The following FERRY3 variants were observed in gnomAD, a reference collection of about 807,000 sequenced individuals.
The protein encoded by FERRY3 is protein C12orf4.
chr12:4,524,019 A>G, the FERRY3 span, among the ~76,000 whole-genome samples: 1 of 152,068 alleles, frequency 6.6e-6, no homozygotes, highest in Non-Finnish European at 1.5e-5. Context: ...CTCTAGCAGC[A>G]AAGTAAGAGA....
chr12:4,518,400 T>C, the FERRY3 span: 1 of 687,288 alleles, frequency 1.5e-6, no homozygotes, highest in South Asian at 2.0e-5. Context: ...CCCATTTTAA[T>C]GACTTTTTCA....
the FERRY3 span, among the ~76,000 whole-genome samples, chr12:4,514,115 A>G: frequency 6.6e-6 from 1 of 151,778 alleles, no homozygotes; most frequent in Non-Finnish European, 1.5e-5. Context: ...AAAAGAAGAC[A>G]TTTATGCAGC....
chr12:4,519,968 A>C, the FERRY3 span, among the ~76,000 whole-genome samples: 1 of 152,232 alleles, frequency 6.6e-6, no homozygotes, highest in African/African-American at 2.4e-5. This position sits in a 1 kb window ranked among gnomAD's most constrained non-coding sequence, Gnocchi z 4.3. Context: ...GAGTCCATCA[A>C]AGATTTGTGA....
At chr12:4,502,510 A>G in the FERRY3 span, 1 of 416,498 alleles carries the variant, frequency 2.4e-6, no homozygotes, top group Non-Finnish European at 4.7e-6. The surrounding 1 kb of genome is among the most constrained non-coding windows in gnomAD (Gnocchi z 4.2). Context: ...TAAAATAGAA[A>G]ACATAGAAAG....
the FERRY3 span, among the ~76,000 whole-genome samples, chr12:4,526,584 G>A: frequency 6.6e-6 from 1 of 152,112 alleles, no homozygotes; most frequent in East Asian, 1.9e-4. Context: ...GCTCATGCCT[G>A]TACTCCCAGC....
At chr12:4,535,053 A>G in the FERRY3 span, among the ~76,000 whole-genome samples, 2 of 152,256 alleles carry the variant, frequency 1.3e-5, no homozygotes, top group African/African-American at 4.8e-5. The surrounding 1 kb of genome is among the most constrained non-coding windows in gnomAD (Gnocchi z 4.0). Context: ...TTAAATGACT[A>G]GCTTATTAAC....
chr12:4,522,507 A>G, the FERRY3 span, among the ~76,000 whole-genome samples: 2 of 152,248 alleles, frequency 1.3e-5, no homozygotes. Context: ...ATGTCTAAAT[A>G]GCAATATTGA....
the FERRY3 span, chr12:4,489,196 G>A: frequency 6.6e-6 from 1 of 152,624 alleles, no homozygotes; most frequent in Admixed American, 6.5e-5. Context: ...GCGGGAGGAT[G>A]AGAGAGAGGG....
chr12:4,510,144 A>G, the FERRY3 span, among the ~76,000 whole-genome samples: 1 of 138,638 alleles, frequency 7.2e-6, no homozygotes, highest in Non-Finnish European at 1.5e-5. Context: ...AAAGGGTATC[A>G]GCAATGGAAG....
the FERRY3 span, among the ~76,000 whole-genome samples, chr12:4,507,760 TC>T: frequency 6.6e-6 from 1 of 152,266 alleles, no homozygotes; most frequent in African/African-American, 2.4e-5. Flanking sequence ...CGAAATGACC[TC>T]CAAGATAAAT....
the FERRY3 span, among the ~76,000 whole-genome samples, chr12:4,524,343 A>T: frequency 6.7e-6 from 1 of 149,338 alleles, no homozygotes; most frequent in East Asian, 1.9e-4. Flanking sequence ...GAAAACAGTA[A>T]GGCAAATGAA....
the FERRY3 span, among the ~76,000 whole-genome samples, chr12:4,510,773 A>ACG: frequency 6.8e-6 from 1 of 146,164 alleles, no homozygotes; most frequent in African/African-American, 2.6e-5. Flanking sequence ...AACAACCGGT[A>ACG]CCAGCCGCTG....
At chr12:4,512,481 A>G in the FERRY3 span, among the ~76,000 whole-genome samples, 1 of 152,278 alleles carries the variant, frequency 6.6e-6, no homozygotes, top group African/African-American at 2.4e-5. Context: ...CATTGATGCA[A>G]AAATCCTCAA....
chr12:4,537,198 C>A, the FERRY3 span, among the ~76,000 whole-genome samples: 1 of 152,194 alleles, frequency 6.6e-6, no homozygotes, highest in East Asian at 1.9e-4. Context: ...ATGCCTTTTC[C>A]TTTGCCTAGA....
At chr12:4,536,852 T>C in the FERRY3 span, among the ~76,000 whole-genome samples, 1 of 152,242 alleles carries the variant, frequency 6.6e-6, no homozygotes, top group African/African-American at 2.4e-5. Flanking sequence ...TTCATCAGCC[T>C]TGTAACTGGA....
At chr12:4,517,710 C>CAGAGAGAGAGAGAG in the FERRY3 span, among the ~76,000 whole-genome samples, 923 of 132,238 alleles carry the variant, frequency 7.0e-3, 10 homozygotes, top group African/African-American at 0.024. Context: ...TATATATAGA[C>CAGAGAGAGAGAGAG]AGAGAGAGAG....
At chr12:4,518,299 A>G in the FERRY3 span, 1 of 1,545,496 alleles carries the variant, frequency 6.5e-7, no homozygotes, top group Non-Finnish European at 8.9e-7. Context: ...AAGCAGCTAC[A>G]GAAAGTCCAG....
chr12:4,518,143 T>C, the FERRY3 span: 6 of 1,613,964 alleles, frequency 3.7e-6, no homozygotes, highest in African/African-American at 8.0e-5. Context: ...GTGACAGAGC[T>C]GTTTGGAGCC....
chr12:4,489,700 T>C, the FERRY3 span: 1 of 782,088 alleles, frequency 1.3e-6, no homozygotes, highest in East Asian at 2.6e-5. Flanking sequence ...TGGATTGAGC[T>C]GCAAGTTCTC....
Sources: gnomAD v4.1 joint callset for allele counts (sites outside exome capture counted in the v4.1 genomes callset) on GRCh38, gnomAD v4.1.1 for gene constraint, Gnocchi (gnomAD v3.1) non-coding constraint, MANE v1.5 for transcripts, NCBI Gene and HGNC (gene_info 2026-07-23, HGNC 2026-07-21) for gene names.